NXPE2: variants seen among roughly 807,000 people sequenced by gnomAD.
The protein encoded by NXPE2 is neurexophilin and PC-esterase domain family member 2.
A neutral mutation model predicts 34.4 loss-of-function variants in NXPE2; 34 were observed. That is an observed-to-expected ratio of 0.99 (90% confidence interval 0.75 to 1.31). The LOEUF (loss-of-function observed/expected upper bound fraction) is 1.31, where lower values mean the gene tolerates loss of function less well. Among genes scored for constraint, NXPE2 ranks in the 40% most tolerant of loss-of-function variants. The probability of loss-of-function intolerance (pLI) is 0.00; values close to 1 mark genes in which losing one functional copy is unlikely to be tolerated. For synonymous variants in NXPE2, 235 were observed against 231.3 expected (o/e 1.02, Z -0.15); for missense variants, 649 against 672.5 (o/e 0.97, Z 0.39).
chr11:114,484,039 G>A, the NXPE2 span, among the ~76,000 whole-genome samples: 2 of 152,142 alleles, frequency 1.3e-5, no homozygotes, highest in Non-Finnish European at 2.9e-5. Context: ...GGAAATGAAA[G>A]ATGGTTGCTC....
intron 2 of NXPE2, among the ~76,000 whole-genome samples, chr11:114,682,615 T>C (rs2135534230): frequency 6.6e-6 from 1 of 152,308 alleles, no homozygotes; most frequent in East Asian, 1.9e-4. Flanking sequence ...TGCAAGGAAG[T>C]AATAACGTTA....
the NXPE2 span, among the ~76,000 whole-genome samples, chr11:114,793,963 C>T: frequency 6.6e-6 from 1 of 152,142 alleles, no homozygotes; most frequent in African/African-American, 2.4e-5. Context: ...GCCTGAATCC[C>T]ACTTTACCTG....
At chr11:114,502,336 T>C in the NXPE2 span, among the ~76,000 whole-genome samples, 1 of 152,242 alleles carries the variant, frequency 6.6e-6, no homozygotes, top group African/African-American at 2.4e-5. Flanking sequence ...AGGCTCATTC[T>C]AGACTTTCTC....
chr11:114,583,112 CAT>C, the NXPE2 span: 1 of 1,347,262 alleles, frequency 7.4e-7, no homozygotes, highest in Middle Eastern at 1.9e-4. Flanking sequence ...ATGAAATTAA[CAT>C]GTTCCTAGTC....
chr11:114,664,825 G>T, the NXPE2 span, among the ~76,000 whole-genome samples: 1 of 152,176 alleles, frequency 6.6e-6, no homozygotes, highest in Non-Finnish European at 1.5e-5. Context: ...CTCCCAGTCT[G>T]TCACACAATC....
chr11:114,592,337 A>G, the NXPE2 span, among the ~76,000 whole-genome samples: 1 of 152,168 alleles, frequency 6.6e-6, no homozygotes, highest in East Asian at 1.9e-4. Flanking sequence ...TGCAGGATAC[A>G]AAATCAACAT....
At chr11:114,781,382 A>T in the NXPE2 span, among the ~76,000 whole-genome samples, 8 of 152,340 alleles carry the variant, frequency 5.3e-5, no homozygotes, top group African/African-American at 1.9e-4. Context: ...ATGAGGGATT[A>T]TCATGATAAA....
the NXPE2 span, among the ~76,000 whole-genome samples, chr11:114,511,152 C>A: frequency 6.6e-6 from 1 of 152,218 alleles, no homozygotes; most frequent in Non-Finnish European, 1.5e-5. Flanking sequence ...TGGCAATATG[C>A]TTACTGGAAA....
chr11:114,580,226 G>T, the NXPE2 span: 1 of 1,613,806 alleles, frequency 6.2e-7, no homozygotes, highest in South Asian at 1.1e-5. Context: ...CCTTCATTTT[G>T]ACTGTAGCCA....
At chr11:114,615,157 C>G in the NXPE2 span, among the ~76,000 whole-genome samples, 1 of 151,780 alleles carries the variant, frequency 6.6e-6, no homozygotes, top group African/African-American at 2.4e-5. Context: ...TGTAACCACT[C>G]TTACCAGGTG....
chr11:114,469,428 T>A, the NXPE2 span, among the ~76,000 whole-genome samples: 2 of 152,258 alleles, frequency 1.3e-5, no homozygotes, highest in African/African-American at 2.4e-5. Context: ...GCTAGCTTTT[T>A]AAGAATAGCT....
chr11:114,483,954 C>T, the NXPE2 span, among the ~76,000 whole-genome samples: 10 of 152,166 alleles, frequency 6.6e-5, no homozygotes, highest in African/African-American at 2.4e-4. Context: ...CTTTGAGTGT[C>T]TGATGCTATT....
chr11:114,497,817 G>T, the NXPE2 span, among the ~76,000 whole-genome samples: 4 of 152,100 alleles, frequency 2.6e-5, no homozygotes, highest in Non-Finnish European at 5.9e-5. Context: ...GTTATAACTT[G>T]TTTATTCTTT....
chr11:114,469,390 G>A, the NXPE2 span, among the ~76,000 whole-genome samples: 1 of 151,008 alleles, frequency 6.6e-6, no homozygotes, highest in Non-Finnish European at 1.5e-5. Context: ...TAGGATTACA[G>A]GTGTGAGCCA....
At chr11:114,693,737 A>G (rs1210959680) in intron 2 of NXPE2, among the ~76,000 whole-genome samples, 1 of 152,250 alleles carries the variant, frequency 6.6e-6, no homozygotes, top group East Asian at 1.9e-4. Flanking sequence ...GAGAATGAAG[A>G]ACCAGGAAAA....
At chr11:114,542,144 T>C in the NXPE2 span, among the ~76,000 whole-genome samples, 3 of 152,346 alleles carry the variant, frequency 2.0e-5, no homozygotes, top group Non-Finnish European at 4.4e-5. Flanking sequence ...TTATGTAGCA[T>C]CTCACTTTAT....
chr11:114,765,173 C>G, the NXPE2 span, among the ~76,000 whole-genome samples: 1 of 152,166 alleles, frequency 6.6e-6, no homozygotes, highest in Non-Finnish European at 1.5e-5. Flanking sequence ...AAGCTGATGG[C>G]CTTTGCTAAT....
At chr11:114,703,683 TAG>T (rs1565391089) in intron 3 of NXPE2, among the ~76,000 whole-genome samples, 6 of 22,308 alleles carry the variant, frequency 2.7e-4, no homozygotes, top group African/African-American at 1.5e-3. Context: ...GATAGATAGA[TAG>T]ATAGATAGAT....
the NXPE2 span, among the ~76,000 whole-genome samples, chr11:114,648,917 T>C: frequency 6.7e-6 from 1 of 150,220 alleles, no homozygotes; most frequent in African/African-American, 2.4e-5. Context: ...TCAATACATC[T>C]TATGTTATAT....
Sources: allele counts gnomAD v4.1 joint callset (sites outside exome capture counted in the v4.1 genomes callset), GRCh38; gene constraint gnomAD v4.1.1; transcripts MANE v1.5; gene names NCBI Gene and HGNC (gene_info 2026-07-23, HGNC 2026-07-21).